The following CSMD1 variants were observed in gnomAD, a reference collection of about 807,000 sequenced individuals.
CSMD1 encodes CUB and sushi domain-containing protein 1.
CSMD1 carries 213 observed loss-of-function variants against 417.5 expected under a neutral mutation model. The observed-to-expected ratio is 0.51, with a 90% CI of 0.46 to 0.57. The LOEUF is 0.57. Among genes scored for constraint, CSMD1 ranks in the 20% least tolerant of loss-of-function variants. The probability of loss-of-function intolerance (pLI) is 0.00; values close to 1 mark genes in which losing one functional copy is unlikely to be tolerated. For synonymous variants in CSMD1, 2,862 were observed against 1,736.8 expected, an observed-to-expected ratio of 1.65 and a Z score of -16.11; for missense variants, 6,923 against 4,529.7, an observed-to-expected ratio of 1.53 and a Z score of -15.17.
intron 3 of CSMD1, among the ~76,000 whole-genome samples, chr8:4,264,242 G>A (rs1192237406): frequency 6.6e-6 from 1 of 152,078 alleles, no homozygotes; most frequent in East Asian, 1.9e-4. Context: ...CTCGTCTTAG[G>A]AATAATTTTA....
At position 4,004,776 on chromosome 8, in the gene CSMD1, A is replaced by G. The variant is rs766577606; in HGVS notation, c.611-6666T>C. ...TGTTTTGTTTTTGAGATGGCGTCTC[A>G]CTCTGTTGCCCAGGCTGGAGTGCAG... On this transcript the variant is annotated intron_variant, in intron 4 of 69. Transcript: ENST00000635120. Among the ~76,000 whole-genome samples, 121 of 151,936 alleles carry G rather than the reference A, an allele frequency of 8.0e-4. 2 individuals are homozygous for G. Among genetic ancestry groups the G allele is most frequent in the Admixed American group, 4.3e-3 (66 of 15,228 alleles).
intron 3 of CSMD1, among the ~76,000 whole-genome samples, chr8:4,127,379 GA>G (rs1446650942): frequency 1.6e-5 from 2 of 126,286 alleles, no homozygotes; most frequent in Non-Finnish European, 3.2e-5. Context: ...TCAGCCACCT[GA>G]AAAAAAATCT....
chr8:3,231,709 C>A (rs879796771), intron 26 of CSMD1, among the ~76,000 whole-genome samples: 3 of 152,116 alleles, frequency 2.0e-5, no homozygotes, highest in Non-Finnish European at 2.9e-5. Context: ...AAAGCTCTAT[C>A]CAATAGTGTC....
intron 1 of CSMD1, among the ~76,000 whole-genome samples, chr8:4,944,191 G>T (rs1322340046): frequency 6.6e-6 from 1 of 152,088 alleles, no homozygotes; most frequent in East Asian, 1.9e-4. Flanking sequence ...ACTTAGATTT[G>T]GAAATTCCTA....
chr8:4,861,581 G>A (rs976165797), intron 1 of CSMD1, among the ~76,000 whole-genome samples: 1 of 152,112 alleles, frequency 6.6e-6, no homozygotes, highest in African/African-American at 2.4e-5. Flanking sequence ...ATTTAGGATT[G>A]TCAACTGAAG....
At chr8:3,765,639 A>G (rs1471596956) in intron 5 of CSMD1, among the ~76,000 whole-genome samples, 1 of 152,228 alleles carries the variant, frequency 6.6e-6, no homozygotes, top group East Asian at 1.9e-4. Context: ...GTGAACCCTA[A>G]GATGATAAAG....
intron 4 of CSMD1, among the ~76,000 whole-genome samples, chr8:4,008,313 T>G (rs1482936321): frequency 6.6e-6 from 1 of 152,098 alleles, no homozygotes; most frequent in African/African-American, 2.4e-5. Flanking sequence ...CTGTTCAATT[T>G]TTAGGTGATC....
chr8:4,243,201 G>C (rs886280902), intron 3 of CSMD1, among the ~76,000 whole-genome samples: 11 of 152,108 alleles, frequency 7.2e-5, no homozygotes. Flanking sequence ...AGGAGGACAT[G>C]GCAGAGCGAT....
chr8:3,641,667 A>G (rs1201443055), intron 7 of CSMD1, among the ~76,000 whole-genome samples: 2 of 152,196 alleles, frequency 1.3e-5, no homozygotes, highest in African/African-American at 4.8e-5. Context: ...TTTCAAATAC[A>G]GCTTTTGCCC....
At chr8:4,550,411 A>G (rs998685744) in intron 2 of CSMD1, among the ~76,000 whole-genome samples, 5 of 151,808 alleles carry the variant, frequency 3.3e-5, no homozygotes, top group African/African-American at 1.2e-4. Context: ...ACTAGCTTAG[A>G]TGACTCATTT....
At chr8:3,890,799 G>C (rs1175865034) in intron 5 of CSMD1, among the ~76,000 whole-genome samples, 1 of 152,078 alleles carries the variant, frequency 6.6e-6, no homozygotes, top group Non-Finnish European at 1.5e-5. Context: ...GACATTTCCA[G>C]GGACTAAAAT....
At chr8:3,670,062 G>T (rs564195867) in intron 7 of CSMD1, among the ~76,000 whole-genome samples, 2 of 152,230 alleles carry the variant, frequency 1.3e-5, no homozygotes, top group East Asian at 3.9e-4. Flanking sequence ...ATTTGTGATG[G>T]TTAATACTGA....
At chr8:3,530,324 G>A (rs527641892) in intron 10 of CSMD1, among the ~76,000 whole-genome samples, 1 of 152,048 alleles carries the variant, frequency 6.6e-6, no homozygotes, top group African/African-American at 2.4e-5. Flanking sequence ...CCCTGTTTTG[G>A]CTGCATCCTG....
At chr8:3,140,367 TTC>T (rs1818365595) in intron 41 of CSMD1, among the ~76,000 whole-genome samples, 1 of 152,140 alleles carries the variant, frequency 6.6e-6, no homozygotes, top group African/African-American at 2.4e-5. Flanking sequence ...CTCTCTGTTT[TTC>T]TCTCTCGTGC....
intron 3 of CSMD1, among the ~76,000 whole-genome samples, chr8:4,403,806 T>C (rs1424575998): frequency 2.0e-5 from 3 of 152,156 alleles, no homozygotes; most frequent in African/African-American, 4.8e-5. Flanking sequence ...CAGCTTACAT[T>C]TCTAGCTGCT....
At chr8:4,775,787 G>A (rs1796823484) in intron 1 of CSMD1, among the ~76,000 whole-genome samples, 1 of 152,268 alleles carries the variant, frequency 6.6e-6, no homozygotes, top group Non-Finnish European at 1.5e-5. Flanking sequence ...TGGATGCACT[G>A]GGGATGGGTC....
chr8:4,637,417 G>T lies in CSMD1; in HGVS notation c.227C>A (p.Thr76Asn), dbSNP rs562417147. ...ATCAAAATCTTCTTCAAGAGCAAAG[G>T]TATGGAAGGACAACTGTATCCTATT... is the stretch of plus-strand genomic sequence containing the variant. ...ERNRIQLSFH[T>N]FALEEDFDIL... The change falls in exon 2 of 70, where the codon ACC becomes AAC. Residue 76 changes from threonine to asparagine, a missense_variant. Physicochemically the swap from Thr to Asn is moderately conservative, Grantham distance 65. Coordinates refer to ENST00000635120, the MANE Select transcript of CSMD1 (RefSeq NM_033225.6). The T allele has an allele frequency of 5.0e-6, 8 of 1,613,836 alleles. No individual in the cohort carries two copies. Among genetic ancestry groups the T allele is most frequent in the East Asian group, 4.5e-5 (2 of 44,858 alleles).
chr8:3,206,474 C>A (rs560864420), intron 30 of CSMD1, among the ~76,000 whole-genome samples: 1 of 19,656 alleles, frequency 5.1e-5, no homozygotes, highest in African/African-American at 1.8e-4. Flanking sequence ...GGGGTTATGT[C>A]TGTGCGTGTA....
intron 5 of CSMD1, among the ~76,000 whole-genome samples, chr8:3,798,659 CAAG>C (rs1246127254): frequency 1.3e-5 from 2 of 152,006 alleles, no homozygotes; most frequent in African/African-American, 2.4e-5. Flanking sequence ...TACATTTATT[CAAG>C]AAGATGCATT....
Sources: allele counts gnomAD v4.1 joint callset (sites outside exome capture counted in the v4.1 genomes callset), GRCh38; gene constraint gnomAD v4.1.1; transcripts MANE v1.5; gene names NCBI Gene and HGNC (gene_info 2026-07-23, HGNC 2026-07-21).